Variants in OSBPL10 observed in about 807,000 individuals in gnomAD.
OSBPL10 encodes the protein oxysterol-binding protein-related protein 10.
A neutral mutation model predicts 81.7 loss-of-function variants in OSBPL10; 49 were observed. The ratio of observed to expected loss-of-function variants is 0.60; its 90% CI spans 0.48 to 0.76. The LOEUF (loss-of-function observed/expected upper bound fraction) is 0.76. Among genes scored for constraint, OSBPL10 ranks in the 30% least tolerant of loss-of-function variants. The pLI is 0.00. For synonymous variants in OSBPL10, 419 were observed against 383.6 expected (o/e 1.09, Z -1.08); for missense variants, 923 against 987.8 (o/e 0.93, Z 0.88).
At chr3:31,938,658 G>A (rs1266959094) in intron 1 of OSBPL10, among the ~76,000 whole-genome samples, 3 of 152,060 alleles carry the variant, frequency 2.0e-5, no homozygotes, top group Non-Finnish European at 2.9e-5. Context: ...ACAGGCACAC[G>A]CCAACTCACC....
chr3:32,052,778 G>C (rs1699678449), intron 1 of OSBPL10, among the ~76,000 whole-genome samples: 1 of 151,964 alleles, frequency 6.6e-6, no homozygotes, highest in Admixed American at 6.6e-5. Context: ...GCAGGGAGGG[G>C]AACATCATAC....
intron 3 of OSBPL10, among the ~76,000 whole-genome samples, chr3:31,834,315 G>C (rs1020173503): frequency 1.3e-5 from 2 of 152,230 alleles, no homozygotes; most frequent in African/African-American, 4.8e-5. Flanking sequence ...CACCAAGTGT[G>C]CCATCTGTGG....
intron 1 of OSBPL10, among the ~76,000 whole-genome samples, chr3:31,902,483 G>T (rs1482038160): frequency 6.6e-6 from 1 of 151,850 alleles, no homozygotes; most frequent in Non-Finnish European, 1.5e-5. Flanking sequence ...GGCTGGTCTT[G>T]AACTCCTGAC....
intron 1 of OSBPL10, among the ~76,000 whole-genome samples, chr3:31,935,052 T>C (rs1457746065): frequency 1.3e-5 from 2 of 152,144 alleles, no homozygotes; most frequent in East Asian, 1.9e-4. Context: ...ATCCCCTTCA[T>C]ACAGGAAGGT....
chr3:31,680,445 C>T (rs1700613484), intron 8 of OSBPL10, among the ~76,000 whole-genome samples: 1 of 152,194 alleles, frequency 6.6e-6, no homozygotes, highest in Non-Finnish European at 1.5e-5. Flanking sequence ...ACCCCAGCAC[C>T]TGCCCTGCAT....
In OSBPL10 at chr3:31,680,901, G is replaced by A. The variant is rs1052916630; in HGVS notation, c.1726+2733C>T. 3.9e-5 allele frequency among the ~76,000 whole-genome samples: 6 copies of A among 152,230 alleles called. 1 individual carries two copies. The highest frequency in any genetic ancestry group is 3.9e-4 in the Admixed American group (6 of 15,282). ...CCCTTGTCAACAGCAGGAAAAGCCA[G>A]ACAACCCAGTCATGAATTGGGATTT... On this transcript the variant is annotated intron_variant, in intron 8 of 11. Coordinates refer to ENST00000396556, the MANE Select transcript of OSBPL10 (RefSeq NM_017784.5).
At chr3:31,812,725 AG>A (rs1699719573) in intron 4 of OSBPL10, among the ~76,000 whole-genome samples, 13 of 16,946 alleles carry the variant, frequency 7.7e-4, no homozygotes, top group African/African-American at 2.8e-3. Flanking sequence ...AAAAAAAGAA[AG>A]AAAGAAAGAA....
chr3:31,873,564 G>A (rs990188396), intron 3 of OSBPL10, among the ~76,000 whole-genome samples: 3 of 152,088 alleles, frequency 2.0e-5, no homozygotes, highest in African/African-American at 7.2e-5. Flanking sequence ...ATTTGTTCCA[G>A]GGAACACAAT....
intron 1 of OSBPL10, among the ~76,000 whole-genome samples, chr3:32,051,488 T>C (rs1699670003): frequency 6.6e-6 from 1 of 152,238 alleles, no homozygotes; most frequent in African/African-American, 2.4e-5. Context: ...AGCATGCTCT[T>C]GGCCACCTGG....
chr3:32,054,492 A>G (rs1403615354), intron 1 of OSBPL10, among the ~76,000 whole-genome samples: 1 of 149,848 alleles, frequency 6.7e-6, no homozygotes, highest in Admixed American at 6.7e-5. Flanking sequence ...GTTGTATGCC[A>G]CAGAAGTAAC....
At chr3:31,719,759 T>A (rs1902346) in intron 6 of OSBPL10, among the ~76,000 whole-genome samples, 1 of 151,884 alleles carries the variant, frequency 6.6e-6, no homozygotes, top group Admixed American at 6.6e-5. Context: ...TAAGTGTACA[T>A]AATATATGTA....
intron 2 of OSBPL10, among the ~76,000 whole-genome samples, chr3:32,041,593 G>A (rs1013261166): frequency 5.9e-5 from 9 of 152,090 alleles, no homozygotes; most frequent in Admixed American, 5.9e-4. Flanking sequence ...CAACATTGAT[G>A]CCTCTCTTGT....
intron 1 of OSBPL10, among the ~76,000 whole-genome samples, chr3:31,919,067 G>A (rs1283915566): frequency 6.6e-6 from 1 of 152,048 alleles, no homozygotes; most frequent in South Asian, 2.1e-4. Context: ...TCCAAATGCT[G>A]GGCTTTTGCT....
intron 8 of OSBPL10, among the ~76,000 whole-genome samples, chr3:31,675,566 G>T (rs1026224870): frequency 6.6e-6 from 1 of 152,144 alleles, no homozygotes; most frequent in Admixed American, 6.5e-5. Context: ...ATGGCACACT[G>T]CCAAAATCCT....
At chr3:32,037,374 G>T (rs73826059) in intron 2 of OSBPL10, among the ~76,000 whole-genome samples, 3,550 of 152,318 alleles carry the variant, frequency 0.023, 132 homozygotes, top group African/African-American at 0.081. Flanking sequence ...TAAGGGCCAG[G>T]TGTGGTGGCT....
At chr3:32,017,674 G>T (rs1054036289) in intron 2 of OSBPL10, among the ~76,000 whole-genome samples, 4 of 152,134 alleles carry the variant, frequency 2.6e-5, no homozygotes, top group African/African-American at 7.2e-5. Flanking sequence ...GGGTTTTATT[G>T]TTCGCTGTGT....
chr3:31,882,126 G>A (rs761886553), intron 1 of OSBPL10, among the ~76,000 whole-genome samples: 4 of 152,160 alleles, frequency 2.6e-5, no homozygotes, highest in Admixed American at 6.5e-5. Context: ...TTATGGCCCC[G>A]GCAAGGGAGC....
At chr3:31,885,824 A>C (rs1695717689) in intron 1 of OSBPL10, among the ~76,000 whole-genome samples, 1 of 109,458 alleles carries the variant, frequency 9.1e-6, no homozygotes, top group Non-Finnish European at 1.8e-5. Flanking sequence ...CTCTACTAAA[A>C]ATACAAAAAA....
chr3:31,690,919 CTT>C (rs10706251), intron 7 of OSBPL10, among the ~76,000 whole-genome samples: 181 of 147,796 alleles, frequency 1.2e-3, no homozygotes, highest in East Asian at 8.2e-3. Flanking sequence ...GCACCCTCTC[CTT>C]TTTTTTTTTT....
Sources: gnomAD v4.1 joint callset for allele counts (sites outside exome capture counted in the v4.1 genomes callset) on GRCh38, gnomAD v4.1.1 for gene constraint, MANE v1.5 for transcripts, NCBI Gene and HGNC (gene_info 2026-07-23, HGNC 2026-07-21) for gene names.